DIP2B: variants seen among roughly 807,000 people sequenced by gnomAD.
DIP2B encodes DIP2 acetate--CoA ligase B (putative), also known as disco-interacting protein 2 homolog B.
In DIP2B, 76 loss-of-function variants were observed where a neutral mutation model predicts 198.0. The ratio of observed to expected loss-of-function variants is 0.38; its 90% confidence interval spans 0.32 to 0.46. DIP2B has a LOEUF of 0.46. Ranked by LOEUF, DIP2B falls within the 20% of genes least tolerant of loss-of-function variation. The probability of loss-of-function intolerance (pLI) is 0.99; values close to 1 mark genes in which losing one functional copy is unlikely to be tolerated. For missense variants in DIP2B, 1,559 were observed against 1,978.4 expected, an observed-to-expected ratio of 0.79 and a Z score of 4.02; for synonymous variants, 701 against 739.1, an observed-to-expected ratio of 0.95 and a Z score of 0.84.
At chr12:50,706,718 T>A in intron 21 of DIP2B, 53 bp downstream of exon 21, 1 of 1,588,248 alleles carries the variant, frequency 6.3e-7, no homozygotes. Context: ...TCTAAATACA[T>A]CTTCACATGG....
intron 3 of DIP2B, among the ~76,000 whole-genome samples, chr12:50,648,063 G>A (rs560897787): frequency 7.2e-5 from 11 of 152,088 alleles, no homozygotes; most frequent in African/African-American, 2.2e-4. Context: ...CCAACATCGC[G>A]CCACTGCACT....
chr12:50,674,647 G>A lies in DIP2B; in HGVS notation c.796+18G>A, dbSNP rs1318757811. Reference sequence around the variant, plus strand: ...AGCTGATGGTAAGGAGTTGTTTTTGGTAGCTCAATTGTAGTGTAAACTAAA... The same window carrying A: ...AGCTGATGGTAAGGAGTTGTTTTTGATAGCTCAATTGTAGTGTAAACTAAA... On this transcript the variant is annotated intron_variant, in intron 6 of 37. Transcript: ENST00000301180. The A allele has an allele frequency of 2.5e-6, 4 of 1,613,602 alleles. No homozygotes were observed. Among genetic ancestry groups the A allele is most frequent in the Non-Finnish European group, 3.4e-6 (4 of 1,179,752 alleles).
chr12:50,584,684 C>T (rs1958755310), intron 1 of DIP2B, among the ~76,000 whole-genome samples: 1 of 152,174 alleles, frequency 6.6e-6, no homozygotes, highest in African/African-American at 2.4e-5. Context: ...CTGCCTCAGC[C>T]TCCTGAGTAG....
intron 1 of DIP2B, among the ~76,000 whole-genome samples, chr12:50,528,188 A>G (rs1565813557): frequency 6.6e-6 from 1 of 151,608 alleles, no homozygotes; most frequent in Non-Finnish European, 1.5e-5. Context: ...CAGCCTTCCA[A>G]AGTGTTGGGA....
At chr12:50,728,813 T>A in intron 30 of DIP2B, 135 bp downstream of exon 30, 1 of 1,223,018 alleles carries the variant, frequency 8.2e-7, no homozygotes, top group Non-Finnish European at 1.1e-6. Flanking sequence ...TTTATGGATC[T>A]ACTGTGTCTC....
intron 1 of DIP2B, among the ~76,000 whole-genome samples, chr12:50,524,532 C>G (rs920918440): frequency 1.3e-5 from 2 of 152,018 alleles, no homozygotes; most frequent in Non-Finnish European, 2.9e-5. Flanking sequence ...CTTCCCTCTC[C>G]TCTCCACCTG....
At position 50,680,838 on chromosome 12, in the gene DIP2B, A is replaced by G. The variant is rs533546392; in HGVS notation, c.1206+75A>G. The G allele has an allele frequency of 3.0e-6, 4 of 1,341,182 alleles. No homozygotes were observed. The East Asian group carries it at 9.3e-5, about 31-fold the overall frequency. The allele number at this position is 1,341,182 out of a possible 1,614,324, so 83.1% of individuals were successfully genotyped here. On this transcript the variant is annotated intron_variant, in intron 9 of 37. Coordinates refer to ENST00000301180, the MANE Select transcript of DIP2B (RefSeq NM_173602.3). The stretch of plus-strand genomic sequence containing the variant: ...ATATGCTAATATTCTAATATTCTGG[A>G]GTTTTCATATACAACAGGAAAATTT...
At chr12:50,520,809 A>G (rs1958110499) in intron 1 of DIP2B, among the ~76,000 whole-genome samples, 1 of 152,192 alleles carries the variant, frequency 6.6e-6, no homozygotes. Context: ...CAGCTAGTGA[A>G]TGAATCTAGA....
At chr12:50,576,203 A>G (rs546422736) in intron 1 of DIP2B, among the ~76,000 whole-genome samples, 1 of 149,110 alleles carries the variant, frequency 6.7e-6, no homozygotes, top group South Asian at 2.1e-4. Context: ...CTGAGTAGCT[A>G]GGATTACAGG....
chr12:50,603,296 C>T (rs1390367810), intron 1 of DIP2B, among the ~76,000 whole-genome samples: 1 of 152,120 alleles, frequency 6.6e-6, no homozygotes, highest in Non-Finnish European at 1.5e-5. Context: ...ATAGTGTTGC[C>T]TGTACTGTGT....
rs140924530 is a variant in DIP2B, at chr12:50,700,180, G to A, written c.2325+978G>A. On this transcript the variant is annotated intron_variant, in intron 19 of 37. Coordinates refer to ENST00000301180, the MANE Select transcript of DIP2B (RefSeq NM_173602.3). ...AACTCCTTGTGGAGCTCACGTTCTTGTGGGGCCAGCACATTCTAGCTAGAC... is the reference window on the plus strand; with the variant it reads ...AACTCCTTGTGGAGCTCACGTTCTTATGGGGCCAGCACATTCTAGCTAGAC... Among the ~76,000 whole-genome samples, 698 of 152,316 alleles carry A rather than the reference G, an allele frequency of 4.6e-3. 8 individuals are homozygous for A. Among genetic ancestry groups the A allele is most frequent in the African/African-American group, 0.016 (659 of 41,566 alleles).
At chr12:50,550,567 C>G (rs2139385606) in intron 1 of DIP2B, among the ~76,000 whole-genome samples, 1 of 152,274 alleles carries the variant, frequency 6.6e-6, no homozygotes, top group Middle Eastern at 3.4e-3. Flanking sequence ...TCATTTTACT[C>G]TATTGAAAAT....
At chr12:50,714,753 G>A (rs2700486) in intron 23 of DIP2B, among the ~76,000 whole-genome samples, 157 bp downstream of exon 23, 134,845 of 152,098 alleles carry the variant, frequency 0.89, 60,628 homozygotes, top group Non-Finnish European at 0.98. Flanking sequence ...CAGCCTGGGC[G>A]ACATGGTAAA....
In DIP2B at chr12:50,551,433, C is replaced by G. The variant is rs186669044; in HGVS notation, c.100+46193C>G. On this transcript the variant is annotated intron_variant, in intron 1 of 37. Transcript: ENST00000301180. ...GCGAGACTCCATCTCAGAAAAAAAT[C>G]TGTGTGTGTGTGTGTATGTGTGTAT... 3.4e-4 allele frequency among the ~76,000 whole-genome samples: 51 copies of G among 151,180 alleles called. 1 individual carries two copies. Among genetic ancestry groups the G allele is most frequent in the Admixed American group, 2.0e-4 (3 of 15,158 alleles).
chr12:50,622,479 G>A (rs1015454102), intron 1 of DIP2B, among the ~76,000 whole-genome samples: 2 of 152,116 alleles, frequency 1.3e-5, no homozygotes, highest in African/African-American at 2.4e-5. Context: ...AGAGCAAGAA[G>A]GAAAAGAAAC....
chr12:50,741,062 G>A (rs1156799531), intron 36 of DIP2B, among the ~76,000 whole-genome samples: 36 of 152,142 alleles, frequency 2.4e-4, no homozygotes, highest in Non-Finnish European at 1.2e-4. Flanking sequence ...CAGCTGTAAG[G>A]ATCTTCAGAG....
chr12:50,585,109 T>C (rs1958759274), intron 1 of DIP2B, among the ~76,000 whole-genome samples: 1 of 152,240 alleles, frequency 6.6e-6, no homozygotes. Flanking sequence ...CTCATCCTTA[T>C]GCTTCAAGAT....
chr12:50,609,501 T>C (rs967729120), intron 1 of DIP2B, among the ~76,000 whole-genome samples: 11 of 152,266 alleles, frequency 7.2e-5, no homozygotes, highest in African/African-American at 2.4e-4. Context: ...TCTACTGGTC[T>C]GGCTCTTCAC....
At chr12:50,550,889 C>T (rs1426393765) in intron 1 of DIP2B, among the ~76,000 whole-genome samples, 3 of 150,960 alleles carry the variant, frequency 2.0e-5, no homozygotes, top group East Asian at 3.9e-4. Flanking sequence ...TTTGGGAGGC[C>T]GAGGTGGGTG....
Sources: gnomAD v4.1 joint callset for allele counts (sites outside exome capture counted in the v4.1 genomes callset) on GRCh38, gnomAD v4.1.1 for gene constraint, MANE v1.5 for transcripts, NCBI Gene and HGNC (gene_info 2026-07-23, HGNC 2026-07-21) for gene names.